The following CLSTN2 variants were observed in gnomAD, a reference collection of about 807,000 sequenced individuals.
CLSTN2 encodes calsyntenin 2.
CLSTN2 carries 48 observed loss-of-function variants against 101.2 expected under a neutral mutation model. The observed-to-expected ratio is 0.47, with a 90% CI of 0.38 to 0.60. The LOEUF (loss-of-function observed/expected upper bound fraction) is 0.60. Among genes scored for constraint, CLSTN2 ranks in the 20% least tolerant of loss-of-function variants. The probability of loss-of-function intolerance (pLI) is 0.00; values close to 1 mark genes in which losing one functional copy is unlikely to be tolerated. For missense variants in CLSTN2, 1,160 were observed against 1,238.2 expected (o/e 0.94, Z 0.95); for synonymous variants, 481 against 463.6 (o/e 1.04, Z -0.48).
At chr3:139,994,448 C>G (rs1936167707) in intron 1 of CLSTN2, among the ~76,000 whole-genome samples, 1 of 152,184 alleles carries the variant, frequency 6.6e-6, no homozygotes, top group Non-Finnish European at 1.5e-5. Context: ...CTTTAGACTT[C>G]TGAATTTCTG....
intron 8 of CLSTN2, among the ~76,000 whole-genome samples, chr3:140,522,541 C>A (rs1191432074): frequency 6.6e-6 from 1 of 152,174 alleles, no homozygotes. Context: ...ACTGAACACA[C>A]AATAAGGCTG....
intron 2 of CLSTN2, among the ~76,000 whole-genome samples, chr3:140,349,393 T>G (rs907553978): frequency 2.0e-5 from 3 of 152,208 alleles, no homozygotes; most frequent in Admixed American, 6.5e-5. Flanking sequence ...CCTAATTACT[T>G]TTAAAGTGTG....
In CLSTN2 at chr3:140,546,543, T is replaced by A. The variant is rs201488984; in HGVS notation, c.1536T>A (p.Ala512=). The stretch of plus-strand genomic sequence containing the variant: ...GAGAAGTCACCAAACCACAGTTTGC[T>A]CAGTTCTTTCATGGAAGCCTGGCCA... ...QGGEVTKPQF[A]QFFHGSLASL... Residue 512 remains alanine, a synonymous_variant, in exon 10 of 17, where the codon GCT becomes GCA. Transcript: ENST00000458420. 12 of 1,614,128 alleles carry A rather than the reference T, an allele frequency of 7.4e-6. No homozygotes were observed. Among genetic ancestry groups the A allele is most frequent in the Non-Finnish European group, 9.3e-6 (11 of 1,179,988 alleles).
At chr3:140,447,523 C>A (rs12638477) in intron 5 of CLSTN2, among the ~76,000 whole-genome samples, 1 of 152,208 alleles carries the variant, frequency 6.6e-6, no homozygotes, top group Non-Finnish European at 1.5e-5. Context: ...TTGCATGGTG[C>A]CATTTTAATC....
intron 1 of CLSTN2, among the ~76,000 whole-genome samples, chr3:140,007,703 T>C (rs2006986319): frequency 1.3e-5 from 2 of 152,330 alleles, no homozygotes; most frequent in Admixed American, 6.5e-5. Context: ...CCCACATACC[T>C]ACTACAGTGT....
chr3:140,156,301 C>T (rs1394779757), intron 1 of CLSTN2, among the ~76,000 whole-genome samples: 1 of 152,192 alleles, frequency 6.6e-6, no homozygotes, highest in African/African-American at 2.4e-5. Context: ...GTTTCAATTA[C>T]AATTTACTCT....
chr3:140,023,011 T>G (rs1371524788), intron 1 of CLSTN2, among the ~76,000 whole-genome samples: 1 of 152,174 alleles, frequency 6.6e-6, no homozygotes, highest in Non-Finnish European at 1.5e-5. Context: ...GGAAAGGGCT[T>G]CAACGTTCCT....
At chr3:140,393,478 A>T (rs1355592561) in intron 2 of CLSTN2, among the ~76,000 whole-genome samples, 1 of 152,178 alleles carries the variant, frequency 6.6e-6, no homozygotes, top group African/African-American at 2.4e-5. Flanking sequence ...AACCCGCTGA[A>T]TGGAGTCTTG....
At position 140,546,836 on chromosome 3, in the gene CLSTN2, G is replaced by A. The variant is rs974356223; in HGVS notation, c.1674+155G>A. On this transcript the variant is annotated intron_variant, in intron 10 of 16. Coordinates refer to ENST00000458420, the MANE Select transcript of CLSTN2 (RefSeq NM_022131.3). The stretch of plus-strand genomic sequence containing the variant: ...CAGCCACGAGATGGGGGTTCCGGAG[G>A]GAGATTAGTAACCATGACTTCCACA... Among the ~76,000 whole-genome samples the A allele has an allele frequency of 2.6e-5, 4 of 152,134 alleles. No individual in the cohort carries two copies. The East Asian group carries it at 5.8e-4, about 22-fold the overall frequency.
chr3:140,272,262 G>T (rs147516270), intron 2 of CLSTN2, among the ~76,000 whole-genome samples: 138 of 152,302 alleles, frequency 9.1e-4, no homozygotes, highest in Middle Eastern at 3.4e-3. Context: ...GAATGGCCTT[G>T]GGCAAGTTAC....
chr3:140,310,411 G>C (rs749454808), intron 2 of CLSTN2, among the ~76,000 whole-genome samples: 2 of 151,978 alleles, frequency 1.3e-5, no homozygotes, highest in African/African-American at 4.8e-5. Flanking sequence ...CCCAGGCCTC[G>C]GTGCTTTTAA....
At chr3:140,423,443 A>C (rs1446170830) in intron 5 of CLSTN2, among the ~76,000 whole-genome samples, 1 of 152,184 alleles carries the variant, frequency 6.6e-6, no homozygotes, top group Non-Finnish European at 1.5e-5. Context: ...ACTTTGGTTA[A>C]AAAAATGTAC....
intron 2 of CLSTN2, among the ~76,000 whole-genome samples, chr3:140,229,013 A>G (rs985259302): frequency 3.3e-5 from 5 of 152,220 alleles, no homozygotes; most frequent in African/African-American, 1.2e-4. Context: ...TCCATTCTGT[A>G]TGAGTCCCTT....
At chr3:140,351,348 T>C (rs115355710) in intron 2 of CLSTN2, among the ~76,000 whole-genome samples, 136 of 152,330 alleles carry the variant, frequency 8.9e-4, no homozygotes, top group Non-Finnish European at 2.4e-4. Context: ...CTAAGTGAGA[T>C]ACAAAGCTGG....
chr3:140,398,069 T>G (rs964100960), intron 2 of CLSTN2, among the ~76,000 whole-genome samples: 1 of 143,652 alleles, frequency 7.0e-6, no homozygotes, highest in African/African-American at 2.5e-5. Flanking sequence ...CAGGCTTACT[T>G]CCAAAAACAT....
intron 15 of CLSTN2, 71 bp downstream of exon 15, chr3:140,563,274 G>A: frequency 6.5e-7 from 1 of 1,540,516 alleles, no homozygotes; most frequent in Non-Finnish European, 8.9e-7. Flanking sequence ...CTACTCAACA[G>A]ACGGTTATGT....
At chr3:140,138,489 G>A (rs535837072) in intron 1 of CLSTN2, among the ~76,000 whole-genome samples, 3 of 152,340 alleles carry the variant, frequency 2.0e-5, no homozygotes, top group South Asian at 4.1e-4. Context: ...TCTGGAGGTA[G>A]CACAGTTGGC....
chr3:140,074,335 ATGTGCATTGGCCGGGGTGTTG>A, intron 1 of CLSTN2, among the ~76,000 whole-genome samples: 1 of 152,170 alleles, frequency 6.6e-6, no homozygotes, highest in South Asian at 2.1e-4. Context: ...CCGGTTTGGC[ATGTGCATTGGCCGGGGTGTTG>A]ACTGGAGATG....
intron 2 of CLSTN2, among the ~76,000 whole-genome samples, chr3:140,314,952 C>T (rs1403597253): frequency 6.6e-6 from 1 of 152,192 alleles, no homozygotes; most frequent in Admixed American, 6.5e-5. Flanking sequence ...AAAGCAAGCA[C>T]CAGAGAAATA....
Sources: allele counts gnomAD v4.1 joint callset (sites outside exome capture counted in the v4.1 genomes callset), GRCh38; gene constraint gnomAD v4.1.1; transcripts MANE v1.5; gene names NCBI Gene and HGNC (gene_info 2026-07-23, HGNC 2026-07-21).